PLD5: variants seen among roughly 807,000 people sequenced by gnomAD.
PLD5 encodes the protein inactive phospholipase D5.
A neutral mutation model predicts 61.1 loss-of-function variants in PLD5; 36 were observed. The observed-to-expected ratio is 0.59, with a 90% CI of 0.45 to 0.78. The LOEUF (loss-of-function observed/expected upper bound fraction) is 0.78. Ranked by LOEUF, PLD5 falls within the 30% of genes least tolerant of loss-of-function variation. PLD5 has a pLI of 0.00. For missense variants in PLD5, 515 were observed against 644.4 expected (o/e 0.80, Z 2.17); for synonymous variants, 243 against 242.8 (o/e 1.00, Z -0.01).
chr1:242,483,861 C>G (rs1572223347), intron 1 of PLD5, among the ~76,000 whole-genome samples: 1 of 152,020 alleles, frequency 6.6e-6, no homozygotes, highest in East Asian at 1.9e-4. Context: ...CAAACTGTCT[C>G]TCAGACCACA....
At chr1:242,141,214 G>A (rs937293363) in intron 5 of PLD5, among the ~76,000 whole-genome samples, 3 of 152,116 alleles carry the variant, frequency 2.0e-5, no homozygotes, top group African/African-American at 7.2e-5. Context: ...TCACTGCTAT[G>A]GTCAGAACCT....
Position 242,177,464 on chromosome 1 carries a change from A to T in PLD5, c.735+42524T>A, listed in dbSNP as rs139472721. On this transcript the variant is annotated intron_variant, in intron 5 of 9. Transcript: ENST00000536534. Reference sequence around the variant, plus strand: ...TAGCATTAGGAGAAATACCTAATGTAGGTGACGGGTTGATGGGTGCAGCAA... The same window carrying T: ...TAGCATTAGGAGAAATACCTAATGTTGGTGACGGGTTGATGGGTGCAGCAA... Among the ~76,000 whole-genome samples the T allele has an allele frequency of 4.7e-3, 711 of 152,256 alleles. 6 individuals are homozygous for T. Among genetic ancestry groups the T allele is most frequent in the Non-Finnish European group, 8.2e-3 (555 of 68,014 alleles).
intron 5 of PLD5, among the ~76,000 whole-genome samples, chr1:242,126,019 G>C (rs1268449881): frequency 6.6e-6 from 1 of 152,170 alleles, no homozygotes; most frequent in African/African-American, 2.4e-5. Context: ...TAGATTCCTA[G>C]AGTGAGATGT....
intron 1 of PLD5, among the ~76,000 whole-genome samples, chr1:242,427,921 GC>G (rs1665520106): frequency 6.6e-6 from 1 of 152,108 alleles, no homozygotes; most frequent in African/African-American, 2.4e-5. Flanking sequence ...GGTCTACATA[GC>G]AAAAATATGA....
At chr1:242,240,496 A>G (rs409941) in intron 4 of PLD5, among the ~76,000 whole-genome samples, 7,819 of 152,254 alleles carry the variant, frequency 0.051, 663 homozygotes, top group African/African-American at 0.18. Flanking sequence ...TTGATGCTTT[A>G]TTAGTAATTT....
intron 1 of PLD5, among the ~76,000 whole-genome samples, chr1:242,496,424 C>T (rs1668371473): frequency 6.6e-6 from 1 of 152,192 alleles, no homozygotes; most frequent in Non-Finnish European, 1.5e-5. Flanking sequence ...TATTTAATGT[C>T]ATATAAGGTA....
intron 5 of PLD5, among the ~76,000 whole-genome samples, chr1:242,128,793 A>C (rs1221620431): frequency 1.3e-5 from 2 of 152,148 alleles, no homozygotes; most frequent in African/African-American, 4.8e-5. Context: ...CTCTGGAGAC[A>C]GACTAGCTCC....
chr1:242,444,871 T>C (rs1666458556), intron 1 of PLD5, among the ~76,000 whole-genome samples: 1 of 151,502 alleles, frequency 6.6e-6, no homozygotes, highest in Non-Finnish European at 1.5e-5. Flanking sequence ...ATGTGATATA[T>C]ATTAAAGAGA....
chr1:242,527,920 G>A (rs2103018567), upstream of PLD5, among the ~76,000 whole-genome samples: 1 of 152,244 alleles, frequency 6.6e-6, no homozygotes, highest in East Asian at 1.9e-4. Context: ...TTTTCTGAAT[G>A]CAACACAGGT....
chr1:242,337,451 T>G (rs10926689), intron 2 of PLD5, among the ~76,000 whole-genome samples: 129,381 of 151,564 alleles, frequency 0.85, 56,200 homozygotes, highest in Non-Finnish European at 0.94. Flanking sequence ...GCCAACGTGG[T>G]GAAACCCCGT....
chr1:242,284,242 A>G (rs1445298652), intron 3 of PLD5, among the ~76,000 whole-genome samples: 1 of 140,564 alleles, frequency 7.1e-6, no homozygotes, highest in African/African-American at 2.7e-5. Context: ...GGTTCCAGCA[A>G]TTGTTCTGTT....
At chr1:242,253,580 T>G (rs1672841894) in intron 4 of PLD5, among the ~76,000 whole-genome samples, 1 of 152,126 alleles carries the variant, frequency 6.6e-6, no homozygotes, top group South Asian at 2.1e-4. Context: ...CCCAAAGTGC[T>G]GGGATTACAG....
In PLD5 at chr1:242,112,319, G is replaced by GTGTGTGTA. The variant is rs750346681; in HGVS notation, c.1070+1570_1070+1571insTACACACA. 6.2e-3 allele frequency among the ~76,000 whole-genome samples: 585 copies of GTGTGTGTA among 94,518 alleles called. 4 individuals are homozygous for GTGTGTGTA. The highest frequency in any genetic ancestry group is 9.0e-3 in the Non-Finnish European group (472 of 52,206). The allele number at this position is 94,518 out of a possible 152,430, so 62.0% of individuals were successfully genotyped here. On this transcript the variant is annotated intron_variant, in intron 7 of 9. Transcript: ENST00000536534. ...TGTGTGTGTGTGTGTGTGTGTGTGT[G>GTGTGTGTA]TGTGTATGTATGTATATGTGTATAT...
At chr1:242,215,994 C>T (rs948422974) in intron 5 of PLD5, among the ~76,000 whole-genome samples, 5 of 152,312 alleles carry the variant, frequency 3.3e-5, no homozygotes, top group African/African-American at 1.2e-4. Context: ...CACTCCCTTC[C>T]CCGCTTCTAA....
chr1:242,401,135 C>T (rs915456884), intron 1 of PLD5, among the ~76,000 whole-genome samples: 1 of 152,146 alleles, frequency 6.6e-6, no homozygotes, highest in Non-Finnish European at 1.5e-5. Flanking sequence ...GCCAGCATTC[C>T]TCCTGCCAGA....
intron 5 of PLD5, among the ~76,000 whole-genome samples, chr1:242,161,089 A>AT (rs1665789731): frequency 6.6e-6 from 1 of 152,058 alleles, no homozygotes. Context: ...TTTAATAGAT[A>AT]ATTTTGTGCA....
rs1558199956 is a variant in PLD5 at position 242,085,056 on chromosome 1, C to T, written c.*4798G>A. The T allele has an allele frequency of 6.6e-6, 1 of 152,012 alleles. No individual in the cohort carries two copies. The allele number at this position is 152,012 out of a possible 1,614,324, so 9.4% of individuals were successfully genotyped here. ...ATTTTAATGATTCCCCCAAATTCAA[C>T]CCTTTATCAAACCCATTTATTTAGG... On this transcript the variant is annotated 3_prime_UTR_variant, in exon 10 of 10. Transcript: ENST00000536534.
Position 242,256,560 on chromosome 1 carries a change from G to A in PLD5, c.607+8777C>T, listed in dbSNP as rs1673028623. On this transcript the variant is annotated intron_variant, in intron 4 of 9. Coordinates refer to ENST00000536534, the MANE Select transcript of PLD5 (RefSeq NM_001372062.1). This position sits in a 1 kb window ranked among gnomAD's most constrained non-coding sequence, Gnocchi z 5.7. ...TCCGCCACGTGAGGACACAGCGTTTGTTCCCTCTGGGGGATGCAGTAACAA... is the reference window on the plus strand; with the variant it reads ...TCCGCCACGTGAGGACACAGCGTTTATTCCCTCTGGGGGATGCAGTAACAA... Among the ~76,000 whole-genome samples, 2 of 152,162 alleles carry A rather than the reference G, an allele frequency of 1.3e-5. No individual in the cohort carries two copies. Among genetic ancestry groups the A allele is most frequent in the Admixed American group, 6.5e-5 (1 of 15,286 alleles).
At chr1:242,371,184 A>C (rs10926701) in intron 1 of PLD5, among the ~76,000 whole-genome samples, 124,241 of 152,062 alleles carry the variant, frequency 0.82, 51,142 homozygotes, top group South Asian at 0.88. Context: ...ACTAGTGTTC[A>C]GTTTCTCCTT....
Sources: gnomAD v4.1 joint callset for allele counts (sites outside exome capture counted in the v4.1 genomes callset) on GRCh38, gnomAD v4.1.1 for gene constraint, Gnocchi (gnomAD v3.1) non-coding constraint, MANE v1.5 for transcripts, NCBI Gene and HGNC (gene_info 2026-07-23, HGNC 2026-07-21) for gene names.